Variants in EPS15 observed in about 807,000 individuals in gnomAD.
EPS15 encodes epidermal growth factor receptor substrate 15.
In EPS15, 72 loss-of-function variants were observed where a neutral mutation model predicts 113.8. That is an observed-to-expected ratio of 0.63 (90% CI 0.52 to 0.77). EPS15 has a LOEUF of 0.77. Ranked by LOEUF, EPS15 falls within the 30% of genes least tolerant of loss-of-function variation. The pLI, the probability that EPS15 is intolerant of heterozygous loss-of-function variation, is 0.00. For missense variants in EPS15, 1,048 were observed against 1,045.8 expected, an observed-to-expected ratio of 1.00 and a Z score of -0.03; for synonymous variants, 344 against 363.4, an observed-to-expected ratio of 0.95 and a Z score of 0.61.
At chr1:51,437,787 G>A (rs1652279252) in intron 12 of EPS15, among the ~76,000 whole-genome samples, 1 of 151,954 alleles carries the variant, frequency 6.6e-6, no homozygotes, top group African/African-American at 2.4e-5. Context: ...CCAGCCCCTG[G>A]ACTAAAACTA....
chr1:51,421,009 A>G (rs756269317), intron 13 of EPS15, among the ~76,000 whole-genome samples: 3 of 152,026 alleles, frequency 2.0e-5, no homozygotes, highest in Admixed American at 2.0e-4. Context: ...TCTATATCCA[A>G]TCTCCTCTAT....
At chr1:51,383,004 C>T (rs1365594110) in intron 21 of EPS15, among the ~76,000 whole-genome samples, 20 of 152,160 alleles carry the variant, frequency 1.3e-4, no homozygotes, top group Admixed American at 1.3e-3. Flanking sequence ...CAGAATTCAA[C>T]AGCACATTAA....
chr1:51,468,018 G>A (rs566928070), intron 5 of EPS15, among the ~76,000 whole-genome samples: 2 of 152,184 alleles, frequency 1.3e-5, no homozygotes, highest in South Asian at 4.1e-4. Context: ...GAGAGCAACG[G>A]TGTGATCACG....
chr1:51,462,004 G>A (rs1654486294), intron 7 of EPS15: 1 of 152,172 alleles, frequency 6.6e-6, no homozygotes, highest in Non-Finnish European at 1.5e-5. Context: ...ACTTGCCCAA[G>A]GTCACACAGC....
At chr1:51,468,973 C>G (rs1482097600) in intron 4 of EPS15, among the ~76,000 whole-genome samples, 1 of 151,812 alleles carries the variant, frequency 6.6e-6, no homozygotes, top group Non-Finnish European at 1.5e-5. Flanking sequence ...CTACTAAAAA[C>G]ACAAAAATTA....
intron 18 of EPS15, chr1:51,401,180 A>G (rs762094389): frequency 2.6e-6 from 1 of 382,454 alleles, no homozygotes; most frequent in Non-Finnish European, 4.7e-6. Flanking sequence ...ATTACAGCAA[A>G]AATTTTACTA....
At chr1:51,456,788 TA>T (rs1654028082) in intron 8 of EPS15, among the ~76,000 whole-genome samples, 1 of 152,182 alleles carries the variant, frequency 6.6e-6, no homozygotes, top group South Asian at 2.1e-4. Flanking sequence ...TTATAATTTT[TA>T]AAAAGAGTAC....
chr1:51,474,417 G>A (rs1655455887), intron 2 of EPS15, among the ~76,000 whole-genome samples: 1 of 152,206 alleles, frequency 6.6e-6, no homozygotes, highest in Non-Finnish European at 1.5e-5. Flanking sequence ...ATTGGTAGAT[G>A]AAGTCAGGAT....
intron 2 of EPS15, among the ~76,000 whole-genome samples, chr1:51,474,670 GTTTTC>G (rs1182225424): frequency 4.6e-5 from 7 of 151,776 alleles, no homozygotes; most frequent in Non-Finnish European, 8.8e-5. Flanking sequence ...AAATGAAATA[GTTTTC>G]TTTTTTTATT....
intron 8 of EPS15, chr1:51,458,229 C>T (rs1654162393): frequency 1.3e-5 from 2 of 150,882 alleles, no homozygotes; most frequent in East Asian, 2.0e-4. Flanking sequence ...GGGGTGTCTA[C>T]TATTTAAAAC....
intron 21 of EPS15, among the ~76,000 whole-genome samples, chr1:51,371,625 A>G (rs1055726643): frequency 1.3e-5 from 2 of 152,228 alleles, no homozygotes; most frequent in African/African-American, 4.8e-5. Context: ...ACAAGAGTCA[A>G]AAAGTTCAAA....
At chr1:51,481,041 C>T (rs925292561) in intron 2 of EPS15, among the ~76,000 whole-genome samples, 1 of 152,152 alleles carries the variant, frequency 6.6e-6, no homozygotes, top group Admixed American at 6.5e-5. Context: ...CAAATGTATA[C>T]ATTTTCAACA....
intron 1 of EPS15, among the ~76,000 whole-genome samples, chr1:51,490,564 CAAAAAAAAA>C (rs60149665): frequency 1.3e-5 from 1 of 76,612 alleles, no homozygotes; most frequent in Non-Finnish European, 2.6e-5. Flanking sequence ...GACTCCATCT[CAAAAAAAAA>C]AAAAAAAAAA....
At position 51,445,063 on chromosome 1, in the gene EPS15, A is replaced by G. The variant is rs761291312; in HGVS notation, c.798-18T>C. The stretch of plus-strand genomic sequence containing the variant: ...ATAATGACCTGCACAAATAAACAAA[A>G]TGAATGGTATGTAAGTGCCACAACT... On this transcript the variant is annotated intron_variant, in intron 10 of 24. Coordinates refer to ENST00000371733, the MANE Select transcript of EPS15 (RefSeq NM_001981.3). 9 of 1,608,420 alleles carry G rather than the reference A, an allele frequency of 5.6e-6. No homozygotes were observed. Among genetic ancestry groups the G allele is most frequent in the Non-Finnish European group, 7.6e-6 (9 of 1,176,752 alleles).
At chr1:51,489,128 T>G (rs957110914) in intron 1 of EPS15, among the ~76,000 whole-genome samples, 3 of 149,690 alleles carry the variant, frequency 2.0e-5, no homozygotes, top group Non-Finnish European at 4.4e-5. Context: ...TAAACCAATA[T>G]CCTAACTAAT....
At chr1:51,507,366 A>G (rs1208540435) in intron 1 of EPS15, among the ~76,000 whole-genome samples, 1 of 152,182 alleles carries the variant, frequency 6.6e-6, no homozygotes, top group Non-Finnish European at 1.5e-5. Context: ...GAAAACACTT[A>G]AAGAAAACAG....
At chr1:51,387,645 AC>A (rs1275153038) in intron 21 of EPS15, among the ~76,000 whole-genome samples, 1 of 152,170 alleles carries the variant, frequency 6.6e-6, no homozygotes, top group African/African-American at 2.4e-5. Context: ...CAAATGGAAA[AC>A]AAAAAAAGGC....
chr1:51,514,792 A>G (rs1644684914), intron 1 of EPS15, among the ~76,000 whole-genome samples: 1 of 152,230 alleles, frequency 6.6e-6, no homozygotes, highest in Admixed American at 6.5e-5. Flanking sequence ...CAAGTGCTGA[A>G]CATTTCAAGC....
chr1:51,384,298 C>CT (rs67265512), intron 21 of EPS15, among the ~76,000 whole-genome samples: 47,681 of 98,420 alleles, frequency 0.48, 12,027 homozygotes, highest in East Asian at 0.93. Flanking sequence ...TTCTTTCTTT[C>CT]TTTTTTTTTT....
Sources: allele counts gnomAD v4.1 joint callset (sites outside exome capture counted in the v4.1 genomes callset), GRCh38; gene constraint gnomAD v4.1.1; transcripts MANE v1.5; gene names NCBI Gene and HGNC (gene_info 2026-07-23, HGNC 2026-07-21).